The following ZC4H2 variants were observed in gnomAD, a reference collection of about 807,000 sequenced individuals.
The protein encoded by ZC4H2 is zinc finger C4H2-type containing.
For synonymous variants in ZC4H2, 84 were observed against 66.3 expected, an observed-to-expected ratio of 1.27 and a Z score of -1.30; for missense variants, 137 against 173.9, an observed-to-expected ratio of 0.79 and a Z score of 1.19.
At chrX:64,975,574 A>T (rs1931920762) in intron 1 of ZC4H2, among the ~76,000 whole-genome samples, 2 of 110,982 alleles carry the variant, frequency 1.8e-5, no homozygotes, top group Admixed American at 9.5e-5. Context: ...GCCTGGCGCT[A>T]TTGTGTTCTG....
chrX:65,014,715 G>GTA (rs1932786184), intron 1 of ZC4H2, among the ~76,000 whole-genome samples: 1 of 111,945 alleles, frequency 8.9e-6, no homozygotes, highest in Non-Finnish European at 1.9e-5. Context: ...TATAAAGTGT[G>GTA]TAGTGTAGTG....
intron 1 of ZC4H2, among the ~76,000 whole-genome samples, chrX:64,985,617 T>A (rs1932169190): frequency 9.0e-6 from 1 of 111,395 alleles, no homozygotes; most frequent in Admixed American, 9.6e-5. Context: ...GACAATACAA[T>A]GTGCGCTGTG....
chrX:64,993,402 A>T (rs917096417), intron 1 of ZC4H2, among the ~76,000 whole-genome samples: 21 of 111,387 alleles, frequency 1.9e-4, no homozygotes, highest in Admixed American at 6.7e-4. Context: ...CTCCTAAAAA[A>T]ATTATGTTAA....
chrX:64,988,864 T>TGC (rs1339131642), intron 1 of ZC4H2, among the ~76,000 whole-genome samples: 6 of 111,731 alleles, frequency 5.4e-5, no homozygotes, highest in African/African-American at 1.6e-4. Context: ...AGGTCTAACA[T>TGC]TTAAGTCTTC....
At chrX:65,030,558 G>C (rs969705937) in intron 1 of ZC4H2, among the ~76,000 whole-genome samples, 4 of 111,889 alleles carry the variant, frequency 3.6e-5, no homozygotes, top group African/African-American at 9.8e-5. Flanking sequence ...TTATTAACTT[G>C]TCTTCTTGCA....
At chrX:64,940,836 TC>T (rs951144362) in intron 1 of ZC4H2, among the ~76,000 whole-genome samples, 1 of 111,760 alleles carries the variant, frequency 8.9e-6, no homozygotes, top group African/African-American at 3.3e-5. Flanking sequence ...TAGCGTGATA[TC>T]CCCAGCTTTG....
At chrX:64,982,900 G>A (rs1039588073) in intron 1 of ZC4H2, among the ~76,000 whole-genome samples, 1 of 112,287 alleles carries the variant, frequency 8.9e-6, no homozygotes, top group African/African-American at 3.2e-5. Flanking sequence ...ACCCCACCCA[G>A]GGGTTGGTTG....
intron 1 of ZC4H2, among the ~76,000 whole-genome samples, chrX:64,930,681 A>G (rs1195015361): frequency 8.9e-6 from 1 of 112,029 alleles, no homozygotes; most frequent in Non-Finnish European, 1.9e-5. Context: ...TGACTTGTGT[A>G]TGTTAAACTA....
chrX:64,928,201 C>A (rs1929518023), intron 1 of ZC4H2, among the ~76,000 whole-genome samples: 1 of 111,920 alleles, frequency 8.9e-6, no homozygotes, highest in Admixed American at 9.5e-5. Flanking sequence ...TTTGCCCATG[C>A]CTATGTCCTG....
chrX:65,006,032 T>C (rs1434263471), intron 1 of ZC4H2, among the ~76,000 whole-genome samples: 1 of 111,510 alleles, frequency 9.0e-6, no homozygotes, highest in African/African-American at 3.3e-5. Flanking sequence ...CCAGTTAGAA[T>C]GGTGATCATT....
intron 1 of ZC4H2, among the ~76,000 whole-genome samples, chrX:65,027,645 T>C (rs1932892894): frequency 9.0e-6 from 1 of 111,292 alleles, no homozygotes; most frequent in African/African-American, 3.3e-5. Flanking sequence ...AGAGGGACAA[T>C]AGGACCGTTG....
At chrX:65,010,986 G>C (rs1199938516) in intron 1 of ZC4H2, among the ~76,000 whole-genome samples, 1 of 111,815 alleles carries the variant, frequency 8.9e-6, no homozygotes, top group East Asian at 2.8e-4. Flanking sequence ...TGGTGAATTA[G>C]TTTTTTCAGC....
intron 1 of ZC4H2, among the ~76,000 whole-genome samples, chrX:65,014,951 C>T (rs1267815277): frequency 1.8e-5 from 2 of 111,593 alleles, no homozygotes; most frequent in Non-Finnish European, 1.9e-5. Context: ...AATGAACTGC[C>T]TAAACAACTT....
chrX:65,002,498 G>A (rs1157519780), intron 1 of ZC4H2, among the ~76,000 whole-genome samples: 24 of 109,733 alleles, frequency 2.2e-4, no homozygotes, highest in African/African-American at 6.6e-4. Flanking sequence ...ACCTCTGCCC[G>A]GCCGCCCCTT....
At chrX:65,011,798 CT>C (rs1247568952) in intron 1 of ZC4H2, among the ~76,000 whole-genome samples, 1 of 109,326 alleles carries the variant, frequency 9.1e-6, no homozygotes, top group Non-Finnish European at 1.9e-5. Context: ...TCACTGCAAC[CT>C]CCGCCTCCTG....
chrX:64,989,264 T>C lies in ZC4H2; in HGVS notation c.-272+45365A>G, dbSNP rs184838792. Among the ~76,000 whole-genome samples, 33 of 112,133 alleles carry C rather than the reference T, an allele frequency of 2.9e-4. No individual in the cohort carries two copies. In the East Asian group the frequency reaches 9.3e-3, roughly 31 times the overall value. Reference sequence around the variant, plus strand: ...TTTCCAATTCTGTGAAGAAAGTCATTGGTAGCTTGATGGGGATGGCAATGA... The same window carrying C: ...TTTCCAATTCTGTGAAGAAAGTCATCGGTAGCTTGATGGGGATGGCAATGA... On this transcript the variant is annotated intron_variant, in intron 1 of 4. Transcript: ENST00000337990.
In ZC4H2 at chrX:64,917,590, C is replaced by A; in HGVS notation, c.*193G>T. 1.8e-6 allele frequency: 1 copy of A among 553,287 alleles called. No homozygotes were observed. The highest frequency in any genetic ancestry group is 2.8e-6 in the Non-Finnish European group (1 of 362,476). 45.6% of individuals were successfully genotyped at this position (553,287 alleles called of 1,213,427 possible). A position where few individuals can be genotyped will look rare whatever the true frequency, so the allele number is the denominator to read the frequency against. The stretch of plus-strand genomic sequence containing the variant: ...CAGACACACTGTTTAGCACCTGAAC[C>A]ACATCTCTTCCTAAACCAGAAATCC... On this transcript the variant is annotated 3_prime_UTR_variant, in exon 5 of 5. Coordinates refer to ENST00000374839, the MANE Select transcript of ZC4H2 (RefSeq NM_018684.4).
chrX:64,941,971 A>T (rs1373434522), intron 1 of ZC4H2, among the ~76,000 whole-genome samples: 1 of 111,754 alleles, frequency 8.9e-6, no homozygotes, highest in African/African-American at 3.3e-5. Context: ...AAATTGTACC[A>T]TCTCCTCTTT....
intron 1 of ZC4H2, among the ~76,000 whole-genome samples, chrX:64,946,208 C>A (rs1303836172): frequency 9.0e-6 from 1 of 111,725 alleles, no homozygotes; most frequent in African/African-American, 3.3e-5. Flanking sequence ...AAACAGCCAC[C>A]CAGTTTTGTG....
Sources: allele counts gnomAD v4.1 joint callset (sites outside exome capture counted in the v4.1 genomes callset), GRCh38; gene constraint gnomAD v4.1.1; transcripts MANE v1.5; gene names NCBI Gene and HGNC (gene_info 2026-07-23, HGNC 2026-07-21).